The following SMAD7 variants were observed in gnomAD, a reference collection of about 807,000 sequenced individuals.
SMAD7 encodes the protein SMAD family member 7.
A neutral mutation model predicts 38.7 loss-of-function variants in SMAD7; 8 were observed. That is an observed-to-expected ratio of 0.21 (90% CI 0.12 to 0.37). SMAD7 has a LOEUF of 0.37. SMAD7 is among the 10% of genes least tolerant of loss of function. The pLI, the probability that SMAD7 is intolerant of heterozygous loss-of-function variation, is 1.00. For missense variants in SMAD7, 477 were observed against 577.9 expected, an observed-to-expected ratio of 0.83 and a Z score of 1.79; for synonymous variants, 327 against 265.1, an observed-to-expected ratio of 1.23 and a Z score of -2.27.
At chr18:48,948,982 A>T (rs1163968965) in intron 1 of SMAD7, among the ~76,000 whole-genome samples, 1 of 152,242 alleles carries the variant, frequency 6.6e-6, no homozygotes, top group Non-Finnish European at 1.5e-5. Flanking sequence ...CTCTGTGTAC[A>T]GAGACGTAGA....
chr18:48,923,231 T>TG (rs1383966446), intron 3 of SMAD7, among the ~76,000 whole-genome samples: 1 of 152,174 alleles, frequency 6.6e-6, no homozygotes, highest in East Asian at 1.9e-4. Context: ...CTTGGGGACC[T>TG]GGGGGGCACA....
chr18:48,943,247 G>A (rs970588582), intron 2 of SMAD7, among the ~76,000 whole-genome samples: 1 of 152,114 alleles, frequency 6.6e-6, no homozygotes, highest in Non-Finnish European at 1.5e-5. Context: ...ACCTTCCCAG[G>A]CAACCCCAGA....
rs1249530952 is a variant in SMAD7, at chr18:48,920,697, TGAA to T, written c.*672_*674del. 6.6e-6 allele frequency: 1 copy of T among 152,186 alleles called. No individual in the cohort carries two copies. Among genetic ancestry groups the T allele is most frequent in the African/African-American group, 2.4e-5 (1 of 41,382 alleles). 9.4% of individuals were successfully genotyped at this position (152,186 alleles called of 1,614,324 possible). A position where few individuals can be genotyped will look rare whatever the true frequency, so the allele number is the denominator to read the frequency against. On this transcript the variant is annotated 3_prime_UTR_variant, in exon 4 of 4. Coordinates refer to ENST00000262158, the MANE Select transcript of SMAD7 (RefSeq NM_005904.4). Reference sequence around the variant, plus strand: ...TGGCAGGAAGGGAATAAGACAAGGATGAAAATAATTGGTTCTGGTTCGGCCACT... The same window carrying T: ...TGGCAGGAAGGGAATAAGACAAGGATAATAATTGGTTCTGGTTCGGCCACT...
intron 3 of SMAD7, among the ~76,000 whole-genome samples, chr18:48,922,400 A>G (rs2069872712): frequency 6.6e-6 from 1 of 152,178 alleles, no homozygotes; most frequent in African/African-American, 2.4e-5. Context: ...CCAGGGGATG[A>G]CACAGCCAGA....
intron 2 of SMAD7, among the ~76,000 whole-genome samples, chr18:48,945,057 A>G (rs1477599896): frequency 2.0e-5 from 3 of 152,174 alleles, no homozygotes; most frequent in Admixed American, 2.0e-4. Flanking sequence ...TGAGCTTCCT[A>G]AGTACTGTTA....
chr18:48,929,565 T>TCACACACACACACACACACA (rs756130657), intron 3 of SMAD7, among the ~76,000 whole-genome samples: 46 of 40,180 alleles, frequency 1.1e-3, no homozygotes, highest in African/African-American at 3.0e-3. Flanking sequence ...TCTCTCTCTC[T>TCACACACACACACACACACA]CTCTCACTCA....
chr18:48,930,244 T>C (rs2069981481), intron 3 of SMAD7: 1 of 152,508 alleles, frequency 6.6e-6, no homozygotes, highest in African/African-American at 2.4e-5. Context: ...AGTTAATCAT[T>C]ACTTCTGTCT....
chr18:48,948,477 T>G (rs566771796), intron 1 of SMAD7, 40 bp from the exon 2 acceptor site: 9 of 1,404,910 alleles, frequency 6.4e-6, no homozygotes, highest in Admixed American at 3.9e-5. Flanking sequence ...GGCCCAGCCA[T>G]GAGAAGAGAG....
At chr18:48,948,629 C>T (rs943510186) in intron 1 of SMAD7, 192 bp from the exon 2 acceptor site, 1 of 419,780 alleles carries the variant, frequency 2.4e-6, no homozygotes, top group Non-Finnish European at 4.2e-6. Flanking sequence ...GCGCCAGCCT[C>T]GGCGCTCCGC....
At position 48,920,809 on chromosome 18, in the gene SMAD7, G is replaced by A. The variant is rs866373251; in HGVS notation, c.*563C>T. ...GGGGCAGGGGCTTTCCCAGGCTGGG[G>A]ACAGAGCCGTGCTCCTGGCAGCTGC... is the stretch of plus-strand genomic sequence containing the variant. On this transcript the variant is annotated 3_prime_UTR_variant, in exon 4 of 4. Transcript: ENST00000262158. 6.5e-6 allele frequency: 1 copy of A among 153,172 alleles called. No homozygotes were observed. Among genetic ancestry groups the A allele is most frequent in the East Asian group, 1.9e-4 (1 of 5,204 alleles). 9.5% of individuals were successfully genotyped at this position (153,172 alleles called of 1,614,324 possible).
chr18:48,942,400 G>A (rs2070150939), intron 3 of SMAD7, 81 bp downstream of exon 3: 1 of 950,390 alleles, frequency 1.1e-6, no homozygotes, highest in Admixed American at 2.4e-5. Flanking sequence ...TGGGGTGGCA[G>A]AAGGCCACCC....
At chr18:48,925,441 CA>C (rs948303005) in intron 3 of SMAD7, among the ~76,000 whole-genome samples, 11 of 150,916 alleles carry the variant, frequency 7.3e-5, no homozygotes, top group African/African-American at 1.9e-4. Flanking sequence ...TGCCCCCCCC[CA>C]ACCTTCCCCA....
intron 3 of SMAD7, among the ~76,000 whole-genome samples, chr18:48,940,888 C>G (rs573273319): frequency 2.8e-4 from 43 of 152,048 alleles, no homozygotes; most frequent in African/African-American, 9.4e-4. Flanking sequence ...AGGAGGCACT[C>G]AGGCTGGTAT....
chr18:48,942,491 C>T lies in SMAD7; in HGVS notation c.732G>A (p.Gly244=), dbSNP rs748382012. 6 of 1,590,344 alleles carry T rather than the reference C, an allele frequency of 3.8e-6. No individual in the cohort carries two copies. The highest frequency in any genetic ancestry group is 2.3e-5 in the East Asian group (1 of 44,434). The change falls in exon 3 of 4, where the codon GGG becomes GGA. Residue 244 remains glycine (G), a synonymous_variant. Coordinates refer to ENST00000262158, the MANE Select transcript of SMAD7 (RefSeq NM_005904.4). ...GAGAAAGCATCTTACCTGAAAGCCCCCCAGGGGCCAGATAATTCGTTCCCC... is the reference window on the plus strand; with the variant it reads ...GAGAAAGCATCTTACCTGAAAGCCCTCCAGGGGCCAGATAATTCGTTCCCC... ...ETGGTNYLAP[G]GLSDSQLLLE... is the part of the protein sequence containing the mutation.
chr18:48,924,075 C>A (rs1037312228), intron 3 of SMAD7, among the ~76,000 whole-genome samples: 1 of 152,204 alleles, frequency 6.6e-6, no homozygotes, highest in East Asian at 1.9e-4. Flanking sequence ...AGAAAGCCCT[C>A]TTCCGGGAGG....
Position 48,921,328 on chromosome 18 carries a change from A to C in SMAD7, c.*44T>G. On this transcript the variant is annotated 3_prime_UTR_variant, in exon 4 of 4. Coordinates refer to ENST00000262158, the MANE Select transcript of SMAD7 (RefSeq NM_005904.4). This position sits in a 1 kb window ranked among gnomAD's most constrained non-coding sequence, Gnocchi z 6.4. Reference sequence around the variant, plus strand: ...AAAATATTAGCAGCAAAGTAGTTTGAAGTGTGGCCTGCTCAGCTCACGCTC... The same window carrying C: ...AAAATATTAGCAGCAAAGTAGTTTGCAGTGTGGCCTGCTCAGCTCACGCTC... The C allele has an allele frequency of 2.0e-6, 3 of 1,523,788 alleles. No individual in the cohort carries two copies. The highest frequency in any genetic ancestry group is 2.7e-6 in the Non-Finnish European group (3 of 1,123,306). The allele number at this position is 1,523,788 out of a possible 1,614,324, so 94.4% of individuals were successfully genotyped here.
chr18:48,950,170 G>C lies in SMAD7; in HGVS notation c.255C>G (p.Ala85=). The part of the protein sequence containing the change: ...PHPPAAGAGA[A]GGAEADLKAL... ...CCTTCAGATCCGCCTCGGCGCCCCCGGCCGCGCCGGCGCCCGCGGCTGGCG... is the reference window on the plus strand; with the variant it reads ...CCTTCAGATCCGCCTCGGCGCCCCCCGCCGCGCCGGCGCCCGCGGCTGGCG... Residue 85 remains alanine (A), a synonymous_variant, in exon 1 of 4, where the codon GCC becomes GCG. Transcript: ENST00000262158. The C allele has an allele frequency of 6.7e-7, 1 of 1,485,408 alleles. No individual in the cohort carries two copies. Among genetic ancestry groups the C allele is most frequent in the Non-Finnish European group, 8.9e-7 (1 of 1,123,884 alleles). 92.0% of individuals were successfully genotyped at this position (1,485,408 alleles called of 1,614,324 possible).
chr18:48,925,126 G>A (rs924111700), intron 3 of SMAD7, among the ~76,000 whole-genome samples: 3 of 152,242 alleles, frequency 2.0e-5, no homozygotes, highest in Non-Finnish European at 4.4e-5. Flanking sequence ...GACTAAGGAA[G>A]AGCCTTGGCC....
Position 48,948,467 on chromosome 18 carries a change from G to A in SMAD7, c.614-30C>T, listed in dbSNP as rs780407329. Reference sequence around the variant, plus strand: ...AATTAAAAAAGCAAGAGAAAATAAAGGCCCAGCCATGAGAAGAGAGATAGA... The same window carrying A: ...AATTAAAAAAGCAAGAGAAAATAAAAGCCCAGCCATGAGAAGAGAGATAGA... On this transcript the variant is annotated intron_variant, in intron 1 of 3. Transcript: ENST00000262158. The A allele has an allele frequency of 1.4e-5, 21 of 1,492,806 alleles. 2 individuals carry two copies. Among genetic ancestry groups the A allele is most frequent in the South Asian group, 9.5e-5 (8 of 83,876 alleles). 92.5% of individuals were successfully genotyped at this position (1,492,806 alleles called of 1,614,324 possible).
Sources: gnomAD v4.1 joint callset for allele counts (sites outside exome capture counted in the v4.1 genomes callset) on GRCh38, gnomAD v4.1.1 for gene constraint, Gnocchi (gnomAD v3.1) non-coding constraint, MANE v1.5 for transcripts, NCBI Gene and HGNC (gene_info 2026-07-23, HGNC 2026-07-21) for gene names.